The following NFU1 variants were observed in gnomAD, a reference collection of about 807,000 sequenced individuals.
NFU1 encodes the protein NFU1 iron-sulfur cluster scaffold homolog, mitochondrial.
Under a neutral mutation model 32.2 loss-of-function variants are expected in NFU1, and 30 were observed. That is an observed-to-expected ratio of 0.93 (90% CI 0.70 to 1.26). NFU1 has a LOEUF of 1.26. Ranked by LOEUF, NFU1 falls within the 50% of genes most tolerant of loss-of-function variation. The probability of loss-of-function intolerance (pLI) is 0.00; values close to 1 mark genes in which losing one functional copy is unlikely to be tolerated. For synonymous variants in NFU1, 112 were observed against 104.6 expected, an observed-to-expected ratio of 1.07 and a Z score of -0.43; for missense variants, 306 against 306.6, an observed-to-expected ratio of 1.00 and a Z score of 0.02.
intron 2 of NFU1, among the ~76,000 whole-genome samples, chr2:69,428,435 A>AG (rs1673537929): frequency 1.3e-5 from 2 of 152,188 alleles, no homozygotes; most frequent in Admixed American, 6.5e-5. Flanking sequence ...TCAAAAAAAA[A>AG]AAAATTATTC....
chr2:69,399,379 AC>A (rs1375638786), intron 7 of NFU1: 3 of 454,868 alleles, frequency 6.6e-6, no homozygotes, highest in Non-Finnish European at 8.8e-6. Flanking sequence ...GCTGTGTTAT[AC>A]TCCTTAGGTA....
rs1182346228 is a variant in NFU1, at chr2:69,415,518, T to C, written c.370-219A>G. 2.6e-5 allele frequency among the ~76,000 whole-genome samples: 4 copies of C among 152,134 alleles called. No individual in the cohort carries two copies. The East Asian group carries it at 5.8e-4, about 22-fold the overall frequency. ...CCTCAGCCTCCCAAGTAGCTGGGACTACAGGTGTGTGCCTTGAACATAAAG... is the reference window on the plus strand; with the variant it reads ...CCTCAGCCTCCCAAGTAGCTGGGACCACAGGTGTGTGCCTTGAACATAAAG... On this transcript the variant is annotated intron_variant, in intron 4 of 7. Coordinates refer to ENST00000410022, the MANE Select transcript of NFU1 (RefSeq NM_001002755.4).
At chr2:69,420,226 A>G (rs569031981) in intron 3 of NFU1, among the ~76,000 whole-genome samples, 15 of 151,820 alleles carry the variant, frequency 9.9e-5, no homozygotes, top group African/African-American at 3.1e-4. Context: ...GCTGGTCTCA[A>G]CTCCTGACCT....
chr2:69,430,256 A>C (rs1455501271), intron 2 of NFU1, among the ~76,000 whole-genome samples: 2 of 151,128 alleles, frequency 1.3e-5, no homozygotes, highest in Admixed American at 1.3e-4. Flanking sequence ...TCTGCTGCCC[A>C]GGCTGAAGTG....
intron 6 of NFU1, among the ~76,000 whole-genome samples, chr2:69,402,311 G>A (rs1337931785): frequency 6.6e-6 from 1 of 152,072 alleles, no homozygotes; most frequent in East Asian, 1.9e-4. Flanking sequence ...CTTCTAATCT[G>A]TACCCTGCCT....
intron 3 of NFU1, 74 bp from the exon 4 acceptor site, chr2:69,419,678 G>C (rs574127236): frequency 3.9e-5 from 35 of 890,436 alleles, no homozygotes; most frequent in African/African-American, 3.5e-4. Flanking sequence ...CAAAAGTAGA[G>C]AAAAGTAAAA....
At chr2:69,416,759 G>A (rs1032489992) in intron 4 of NFU1, among the ~76,000 whole-genome samples, 3 of 152,190 alleles carry the variant, frequency 2.0e-5, no homozygotes, top group Admixed American at 1.3e-4. Context: ...ATTAGCCGGC[G>A]TGGTTGCAGA....
intron 1 of NFU1, among the ~76,000 whole-genome samples, chr2:69,435,295 G>T (rs755041121): frequency 8.5e-5 from 13 of 152,202 alleles, no homozygotes; most frequent in Non-Finnish European, 1.3e-4. Context: ...CAGTTAGAAC[G>T]GTCTTTCACT....
At chr2:69,439,550 G>A (rs1284122060), upstream of NFU1, among the ~76,000 whole-genome samples, 1 of 152,184 alleles carries the variant, frequency 6.6e-6, no homozygotes, top group African/African-American at 2.4e-5. Flanking sequence ...ACATGGAAGG[G>A]GACCCAAGCA....
At chr2:69,433,323 T>C (rs1435286906) in intron 1 of NFU1, among the ~76,000 whole-genome samples, 2 of 150,666 alleles carry the variant, frequency 1.3e-5, no homozygotes, top group Non-Finnish European at 1.5e-5. Context: ...AGATTACAGG[T>C]GCCCGCCACC....
At chr2:69,405,920 T>G (rs1442086241) in intron 6 of NFU1, 102 bp downstream of exon 6, 1 of 787,016 alleles carries the variant, frequency 1.3e-6, no homozygotes, top group African/African-American at 1.7e-5. Context: ...CTTGCACTTA[T>G]TTTGAAAATC....
At chr2:69,430,752 G>A (rs1484675505) in intron 2 of NFU1, among the ~76,000 whole-genome samples, 1 of 152,200 alleles carries the variant, frequency 6.6e-6, no homozygotes, top group East Asian at 1.9e-4. Flanking sequence ...GCTATTCTGT[G>A]ATCCAAGCAG....
intron 5 of NFU1, among the ~76,000 whole-genome samples, chr2:69,413,279 C>A (rs1433542399): frequency 6.8e-6 from 1 of 147,136 alleles, no homozygotes; most frequent in Non-Finnish European, 1.5e-5. Flanking sequence ...GAGCGAAACT[C>A]CGTTTCAAAA....
chr2:69,433,942 T>G (rs1459533892), intron 1 of NFU1, among the ~76,000 whole-genome samples: 5 of 35,312 alleles, frequency 1.4e-4, no homozygotes, highest in Middle Eastern at 0.014. Context: ...CCCAGCTAGT[T>G]TTTTTTTTTT....
intron 4 of NFU1, chr2:69,416,328 T>A (rs1054726160): frequency 1.4e-5 from 2 of 147,416 alleles, no homozygotes; most frequent in South Asian, 2.1e-4. Context: ...TTAATAAAAA[T>A]TAATATTTAA....
chr2:69,400,925 G>A (rs1004537247), intron 6 of NFU1, among the ~76,000 whole-genome samples: 3 of 152,038 alleles, frequency 2.0e-5, no homozygotes, highest in Non-Finnish European at 2.9e-5. Flanking sequence ...ACTCCAGCTT[G>A]GGTGACACAG....
upstream of NFU1, chr2:69,437,605 A>G (rs543146502): frequency 8.2e-6 from 6 of 733,864 alleles, no homozygotes; most frequent in South Asian, 7.5e-5. Context: ...CACCCTGACC[A>G]AGAGAGGCCG....
upstream of NFU1, chr2:69,437,690 T>C: frequency 1.7e-6 from 1 of 577,004 alleles, no homozygotes. Context: ...TTCCGTACTT[T>C]GTTTTCCCTG....
At chr2:69,432,153 A>G in intron 1 of NFU1, 148 bp from the exon 2 acceptor site, 6 of 647,412 alleles carry the variant, frequency 9.3e-6, no homozygotes, top group Non-Finnish European at 1.6e-5. Flanking sequence ...TTCATCTTCC[A>G]TCTACATTAT....
Sources: gnomAD v4.1 joint callset for allele counts (sites outside exome capture counted in the v4.1 genomes callset) on GRCh38, gnomAD v4.1.1 for gene constraint, MANE v1.5 for transcripts, NCBI Gene and HGNC (gene_info 2026-07-23, HGNC 2026-07-21) for gene names.